TRIM40: variants seen among roughly 807,000 people sequenced by gnomAD.
TRIM40 encodes the protein tripartite motif containing 40.
TRIM40 carries 27 observed loss-of-function variants against 26.1 expected under a neutral mutation model. The observed-to-expected ratio is 1.04, with a 90% confidence interval of 0.76 to 1.43. The LOEUF is 1.43. TRIM40 is among the 40% of genes most tolerant of loss of function. The pLI is 0.00. For synonymous variants in TRIM40, 114 were observed against 120.0 expected (o/e 0.95, Z 0.33); for missense variants, 289 against 307.9 (o/e 0.94, Z 0.46).
At chr6:30,138,413 C>T (rs139078823) in intron 2 of TRIM40, among the ~76,000 whole-genome samples, 44 of 152,288 alleles carry the variant, frequency 2.9e-4, no homozygotes, top group African/African-American at 7.9e-4. Context: ...TCAATTTGTC[C>T]TATCACCATT....
chr6:30,140,575 TG>T (rs1338432894), intron 2 of TRIM40, among the ~76,000 whole-genome samples: 1 of 150,976 alleles, frequency 6.6e-6, no homozygotes, highest in East Asian at 1.9e-4. Flanking sequence ...TGTGAGGGGA[TG>T]GGGGGTAGGG....
intron 3 of TRIM40, among the ~76,000 whole-genome samples, chr6:30,146,605 G>A (rs1771674415): frequency 6.6e-6 from 1 of 152,014 alleles, no homozygotes; most frequent in Admixed American, 6.6e-5. Context: ...TAGAGATGGG[G>A]TTTCACCATG....
intron 2 of TRIM40, among the ~76,000 whole-genome samples, chr6:30,144,860 T>G (rs1771555209): frequency 6.6e-6 from 1 of 152,134 alleles, no homozygotes; most frequent in South Asian, 2.1e-4. Context: ...GCACAAACAG[T>G]TCCACACCAG....
intron 2 of TRIM40, among the ~76,000 whole-genome samples, chr6:30,144,902 G>A (rs1017589696): frequency 3.3e-5 from 5 of 152,306 alleles, no homozygotes; most frequent in African/African-American, 9.6e-5. Flanking sequence ...ACTCATGAGC[G>A]ACATCCATGA....
At chr6:30,142,101 G>A (rs1771383887) in intron 2 of TRIM40, among the ~76,000 whole-genome samples, 1 of 144,894 alleles carries the variant, frequency 6.9e-6, no homozygotes, top group Non-Finnish European at 1.6e-5. Flanking sequence ...AATTAAGGAG[G>A]GTTTTTTTTT....
intron 3 of TRIM40, 113 bp from the exon 4 acceptor site, chr6:30,146,872 C>T (rs1013129702): frequency 2.8e-6 from 3 of 1,086,466 alleles, no homozygotes; most frequent in East Asian, 2.6e-5. Context: ...AGAGGCAACA[C>T]CATGAGGGCA....
chr6:30,137,406 G>T, intron 2 of TRIM40, 25 bp downstream of exon 2: 1 of 1,585,462 alleles, frequency 6.3e-7, no homozygotes, highest in Non-Finnish European at 8.6e-7. Flanking sequence ...CCGCAGCCAG[G>T]CCCTGCCTCC....
rs139465938 is a variant in TRIM40 at position 30,141,612 on chromosome 6, G to C, written c.345+4231G>C. 8.2e-4 allele frequency among the ~76,000 whole-genome samples: 125 copies of C among 152,326 alleles called. No individual in the cohort carries two copies. In the East Asian group the frequency reaches 0.014, roughly 17 times the overall value. ...CAGTAAGATGGTGGCAGAGGCATGA[G>C]AGCTGAGTTGGGAGGAGGCACACTT... is the stretch of plus-strand genomic sequence containing the variant. On this transcript the variant is annotated intron_variant, in intron 2 of 5. Coordinates refer to ENST00000396581, the MANE Select transcript of TRIM40 (RefSeq NM_001286633.2).
intron 3 of TRIM40, among the ~76,000 whole-genome samples, chr6:30,146,783 T>C (rs912143911): frequency 3.9e-5 from 6 of 152,202 alleles, no homozygotes; most frequent in African/African-American, 1.4e-4. Context: ...TCTGTAGATA[T>C]TCAGAGAGTG....
At position 30,137,182 on chromosome 6, in the gene TRIM40, G is replaced by A; in HGVS notation, c.146G>A (p.Gly49Glu). Residue 49 changes from glycine (G) to glutamate (E), a missense_variant, in exon 2 of 6, where the codon GGG (glycine) becomes GAG (glutamate). By Grantham distance (98) the Gly-to-Glu change is moderately conservative (BLOSUM62 -2). Coordinates refer to ENST00000396581, the MANE Select transcript of TRIM40 (RefSeq NM_001286633.2). ...CATGTGGAGAAGGCCTCAGCCTCTG[G>A]GGTCTTCTGCTGCCCCCTCTGCCGG... ...TQHVEKASAS[G>E]VFCCPLCRKP... 6.2e-7 allele frequency: 1 copy of A among 1,613,052 alleles called. No homozygotes were observed. Among genetic ancestry groups the A allele is most frequent in the East Asian group, 2.2e-5 (1 of 44,880 alleles).
intron 4 of TRIM40, 68 bp downstream of exon 4, chr6:30,147,277 C>T (rs984281734): frequency 2.2e-5 from 34 of 1,576,712 alleles, no homozygotes; most frequent in Admixed American, 8.4e-5. Flanking sequence ...ATCTGCATCA[C>T]CCTTCTGGGA....
At chr6:30,144,191 G>T (rs909844235) in intron 2 of TRIM40, among the ~76,000 whole-genome samples, 1 of 152,074 alleles carries the variant, frequency 6.6e-6, no homozygotes, top group African/African-American at 2.4e-5. Context: ...AGGAGTTTGG[G>T]CTTATCTTTG....
At chr6:30,137,527 G>T (rs187566013) in intron 2 of TRIM40, 146 bp downstream of exon 2, 5 of 713,644 alleles carry the variant, frequency 7.0e-6, no homozygotes, top group Non-Finnish European at 1.2e-5. Flanking sequence ...TTGGACCCTT[G>T]TCTTGCTTTT....
Position 30,146,474 on chromosome 6 carries a change from C to T in TRIM40, c.441+385C>T, listed in dbSNP as rs560223957. 2.0e-5 allele frequency among the ~76,000 whole-genome samples: 3 copies of T among 151,810 alleles called. No homozygotes were observed. The South Asian group carries it at 6.2e-4, about 32-fold the overall frequency. ...TCGCCCAGGCTGGAGTGCAGTGGCA[C>T]GAACTCCGCTCACTGCAAGCTCCGC... is the stretch of plus-strand genomic sequence containing the variant. On this transcript the variant is annotated intron_variant, in intron 3 of 5. Coordinates refer to ENST00000396581, the MANE Select transcript of TRIM40 (RefSeq NM_001286633.2).
rs896986350 is a variant in TRIM40, at chr6:30,136,901, G to C, written c.-136G>C. 1 of 813,980 alleles carries C rather than the reference G, an allele frequency of 1.2e-6. No individual in the cohort carries two copies. The highest frequency in any genetic ancestry group is 1.7e-5 in the African/African-American group (1 of 57,510). 50.4% of individuals were successfully genotyped at this position (813,980 alleles called of 1,614,324 possible). A position where few individuals can be genotyped will look rare whatever the true frequency, so the allele number is the denominator to read the frequency against. ...TGCCTGAACTTGGAGGCTGTGTCCT[G>C]TCCCCAGGCTGCTCCAGGGCTGCCT... On this transcript the variant is annotated 5_prime_UTR_variant, in exon 2 of 6. Transcript: ENST00000396581.
At chr6:30,146,676 G>C (rs1395655039) in intron 3 of TRIM40, among the ~76,000 whole-genome samples, 1 of 152,188 alleles carries the variant, frequency 6.6e-6, no homozygotes, top group Non-Finnish European at 1.5e-5. Flanking sequence ...CTCCCAAAGT[G>C]CTGGGATTAC....
chr6:30,139,455 G>A (rs1771210946), intron 2 of TRIM40, among the ~76,000 whole-genome samples: 1 of 143,442 alleles, frequency 7.0e-6, no homozygotes, highest in African/African-American at 2.6e-5. Flanking sequence ...GCAATTCTTT[G>A]CCTCAGCCTC....
rs781456579 is a variant in TRIM40, at chr6:30,147,067, C to G, written c.524C>G (p.Pro175Arg). 2.4e-5 allele frequency: 38 copies of G among 1,613,834 alleles called. No individual in the cohort carries two copies. Among genetic ancestry groups the G allele is most frequent in the Non-Finnish European group, 3.1e-5 (37 of 1,179,854 alleles). ...HQTREQLGAL[P>R]QQWLGQLEHM... is the part of the protein sequence containing the mutation. ...ACCAGGGAACAGCTGGGTGCCCTCC[C>G]TCAGCAGTGGCTGGGCCAGCTGGAG... Residue 175 changes from proline (P) to arginine (R), a missense_variant, in exon 4 of 6, where the codon CCT (proline) becomes CGT (arginine). By Grantham distance (103) the Pro-to-Arg change is moderately radical (BLOSUM62 -2). Coordinates refer to ENST00000396581, the MANE Select transcript of TRIM40 (RefSeq NM_001286633.2).
At chr6:30,147,479 C>A (rs774855564) in intron 4 of TRIM40, 41 bp from the exon 5 acceptor site, 13 of 1,613,504 alleles carry the variant, frequency 8.1e-6, no homozygotes, top group South Asian at 2.2e-5. Context: ...GTGATAGGAA[C>A]CTGAGAACCA....
Sources: allele counts gnomAD v4.1 joint callset (sites outside exome capture counted in the v4.1 genomes callset), GRCh38; gene constraint gnomAD v4.1.1; transcripts MANE v1.5; gene names NCBI Gene and HGNC (gene_info 2026-07-23, HGNC 2026-07-21).